MELK: variants seen among roughly 807,000 people sequenced by gnomAD.
The protein encoded by MELK is pEg3 kinase.
MELK carries 81 observed loss-of-function variants against 85.0 expected under a neutral mutation model. The ratio of observed to expected loss-of-function variants is 0.95; its 90% CI spans 0.80 to 1.15. The LOEUF (loss-of-function observed/expected upper bound fraction) is 1.15, where lower values mean the gene tolerates loss of function less well. MELK is among the 50% of genes most tolerant of loss of function. The pLI is 0.00. For synonymous variants in MELK, 252 were observed against 265.0 expected (o/e 0.95, Z 0.48); for missense variants, 754 against 777.5 (o/e 0.97, Z 0.36).
intron 1 of MELK, among the ~76,000 whole-genome samples, chr9:36,581,410 A>G (rs917932979): frequency 6.6e-6 from 1 of 152,066 alleles, no homozygotes; most frequent in African/African-American, 2.4e-5. Context: ...ATCCTGAAAT[A>G]ATGACAATAT....
At chr9:36,674,986 T>C in intron 17 of MELK, 49 bp downstream of exon 17, 2 of 1,410,710 alleles carry the variant, frequency 1.4e-6, no homozygotes, top group Admixed American at 3.5e-5. Context: ...TCTTTTGGAC[T>C]TTGAGAAAAT....
intron 17 of MELK, among the ~76,000 whole-genome samples, chr9:36,676,894 A>C (rs1833399648): frequency 6.6e-6 from 1 of 152,224 alleles, no homozygotes. Flanking sequence ...TATAGCTATG[A>C]AACAGGGGCT....
rs1204399131 is a variant in MELK at position 36,649,359 on chromosome 9, C to CG, written c.922-2386dup. On this transcript the variant is annotated intron_variant, in intron 11 of 17. Transcript: ENST00000298048. ...AAAAATAGCCGGGTGTGGTGGCGGG[C>CG]GCCTGTAGTCCCAGCTACTCGGGAG... Among the ~76,000 whole-genome samples the CG allele has an allele frequency of 2.6e-4, 40 of 151,920 alleles. No homozygotes were observed. In the East Asian group the frequency reaches 7.4e-3, roughly 28 times the overall value.
At chr9:36,634,529 G>A (rs1480580645) in intron 10 of MELK, among the ~76,000 whole-genome samples, 1 of 151,986 alleles carries the variant, frequency 6.6e-6, no homozygotes, top group Non-Finnish European at 1.5e-5. Context: ...TGGCCAACAT[G>A]GTAAAACCCC....
Position 36,677,537 on chromosome 9 carries a change from T to C in MELK, c.*200T>C. The C allele has an allele frequency of 2.3e-6, 1 of 430,250 alleles. No homozygotes were observed. The highest frequency in any genetic ancestry group is 7.1e-5 in the South Asian group (1 of 14,114). 26.7% of individuals were successfully genotyped at this position (430,250 alleles called of 1,614,324 possible). A position where few individuals can be genotyped will look rare whatever the true frequency, so the allele number is the denominator to read the frequency against. ...TCTAAATCAAGCCCATCTGTCATTA[T>C]GTTACTGTCTTTTTTAATCATGTGG... On this transcript the variant is annotated 3_prime_UTR_variant, in exon 18 of 18. Coordinates refer to ENST00000298048, the MANE Select transcript of MELK (RefSeq NM_014791.4).
chr9:36,585,282 A>G (rs1822760634), intron 3 of MELK, among the ~76,000 whole-genome samples: 1 of 135,970 alleles, frequency 7.4e-6, no homozygotes, highest in Middle Eastern at 3.6e-3. Flanking sequence ...TTTTTTTTCT[A>G]ATTCCTTCTA....
At chr9:36,655,458 G>GAA (rs1831151411) in intron 12 of MELK, among the ~76,000 whole-genome samples, 2 of 145,856 alleles carry the variant, frequency 1.4e-5, no homozygotes, top group Admixed American at 1.4e-4. Flanking sequence ...TAGGGGGAGA[G>GAA]AGAGAGAGAG....
chr9:36,606,733 A>G (rs1002040014), intron 7 of MELK: 7 of 147,976 alleles, frequency 4.7e-5, no homozygotes, highest in Non-Finnish European at 8.9e-5. Context: ...ATATATATGT[A>G]CATATATACA....
intron 8 of MELK, among the ~76,000 whole-genome samples, chr9:36,612,809 C>A (rs1826183919): frequency 6.6e-6 from 1 of 151,976 alleles, no homozygotes; most frequent in African/African-American, 2.4e-5. Context: ...GGGGAGTATT[C>A]TTTCTTTTAC....
In MELK at chr9:36,644,985, T is replaced by TA. The variant is rs372923138; in HGVS notation, c.921+1904dup. 3.3e-3 allele frequency among the ~76,000 whole-genome samples: 507 copies of TA among 152,202 alleles called. 4 individuals are homozygous for TA. The highest frequency in any genetic ancestry group is 0.012 in the African/African-American group (481 of 41,506). On this transcript the variant is annotated intron_variant, in intron 11 of 17. Coordinates refer to ENST00000298048, the MANE Select transcript of MELK (RefSeq NM_014791.4). ...ATCTGAATCTTAAAAGTAACATACT[T>TA]AAGCCGGGCGCGGTGGCTCATGCCT...
At chr9:36,617,660 T>C (rs10972999) in intron 8 of MELK, among the ~76,000 whole-genome samples, 14,852 of 152,264 alleles carry the variant, frequency 0.098, 778 homozygotes, top group Middle Eastern at 0.15. Flanking sequence ...GCTTTTTGAC[T>C]TTATTTTTTA....
chr9:36,597,655 G>T (rs1212829453), intron 6 of MELK, among the ~76,000 whole-genome samples: 1 of 152,128 alleles, frequency 6.6e-6, no homozygotes, highest in Admixed American at 6.6e-5. Flanking sequence ...TTAGATAAAA[G>T]TTGAGAATTT....
chr9:36,604,732 C>T (rs1471989472), intron 7 of MELK, among the ~76,000 whole-genome samples: 1 of 151,692 alleles, frequency 6.6e-6, no homozygotes, highest in Non-Finnish European at 1.5e-5. Flanking sequence ...CAACCTCCAC[C>T]TCCCGAGTTC....
chr9:36,644,238 TG>T (rs1306090281), intron 11 of MELK, among the ~76,000 whole-genome samples: 2 of 149,120 alleles, frequency 1.3e-5, no homozygotes, highest in African/African-American at 2.6e-5. Context: ...TGTGTGTGTG[TG>T]TGTGTGTGTG....
chr9:36,599,263 T>A, intron 6 of MELK, 131 bp from the exon 7 acceptor site: 1 of 537,658 alleles, frequency 1.9e-6, no homozygotes, highest in South Asian at 2.1e-5. Context: ...ATTGCGCCAT[T>A]GCACTCCAGC....
At chr9:36,573,908 A>G (rs1185888150) in intron 1 of MELK, among the ~76,000 whole-genome samples, 1 of 151,878 alleles carries the variant, frequency 6.6e-6, no homozygotes, top group African/African-American at 2.4e-5. Flanking sequence ...GAAAGGGTAG[A>G]CTCAGGGAAG....
At chr9:36,576,917 A>AT (rs779610521) in intron 1 of MELK, among the ~76,000 whole-genome samples, 3 of 152,156 alleles carry the variant, frequency 2.0e-5, no homozygotes, top group Non-Finnish European at 2.9e-5. Context: ...GAAAAATGAT[A>AT]TTTTTAAAAT....
Position 36,630,361 on chromosome 9 carries a change from G to A in MELK, c.729G>A (p.Met243Ile), listed in dbSNP as rs1274480816. ...GTAGCATTCTGCTTCTTCAACAAAT[G>A]CTGCAGGTAAACTTTATTTTTAAAT... Reference protein sequence around the residue: ...SPSSILLLQQMLQVDPKKRIS... With the variant: ...SPSSILLLQQILQVDPKKRIS... The change falls in exon 9 of 18, where the codon ATG becomes ATA. Residue 243 changes from methionine (M) to isoleucine (I), a missense_variant. Physicochemically the swap from Met to Ile is conservative, Grantham distance 10. Coordinates refer to ENST00000298048, the MANE Select transcript of MELK (RefSeq NM_014791.4). The A allele has an allele frequency of 1.9e-6, 3 of 1,603,662 alleles. No homozygotes were observed. The highest frequency in any genetic ancestry group is 1.1e-5 in the South Asian group (1 of 90,816).
intron 8 of MELK, among the ~76,000 whole-genome samples, chr9:36,623,325 A>G (rs1827617914): frequency 6.6e-6 from 1 of 152,224 alleles, no homozygotes; most frequent in Admixed American, 6.5e-5. Flanking sequence ...CCTGCCTACT[A>G]CAGAGGGTAA....
Sources: gnomAD v4.1 joint callset for allele counts (sites outside exome capture counted in the v4.1 genomes callset) on GRCh38, gnomAD v4.1.1 for gene constraint, MANE v1.5 for transcripts, NCBI Gene and HGNC (gene_info 2026-07-23, HGNC 2026-07-21) for gene names.